DNMT1: variants seen among roughly 807,000 people sequenced by gnomAD.
DNMT1 encodes the protein DNA methyltransferase 1.
Under a neutral mutation model 205.3 loss-of-function variants are expected in DNMT1, and 24 were observed. That is an observed-to-expected ratio of 0.12 (90% CI 0.08 to 0.16). DNMT1 has a LOEUF of 0.16. DNMT1 is among the 10% of genes least tolerant of loss of function. The pLI, the probability that DNMT1 is intolerant of heterozygous loss-of-function variation, is 1.00. For synonymous variants in DNMT1, 817 were observed against 839.8 expected (o/e 0.97, Z 0.47); for missense variants, 1,293 against 2,177.7 (o/e 0.59, Z 8.09).
chr19:10,166,794 C>CAGGAG, intron 10 of DNMT1, 109 bp from the exon 11 acceptor site: 2 of 1,154,896 alleles, frequency 1.7e-6, no homozygotes, highest in Non-Finnish European at 2.6e-6. Context: ...GTTCAGAGGA[C>CAGGAG]AGGCTGCCTC....
At chr19:10,169,106 A>G (rs536388505) in intron 9 of DNMT1, among the ~76,000 whole-genome samples, 79 of 152,214 alleles carry the variant, frequency 5.2e-4, no homozygotes, top group African/African-American at 1.9e-3. Flanking sequence ...CTGGCATTAC[A>G]GGCGTGAGCC....
At chr19:10,180,990 T>C in intron 2 of DNMT1, 105 bp from the exon 3 acceptor site, 1 of 870,962 alleles carries the variant, frequency 1.1e-6, no homozygotes. Flanking sequence ...AATGAGTGAA[T>C]GGCAGGCAAT....
chr19:10,175,643 A>G, intron 6 of DNMT1, 25 bp from the exon 7 acceptor site: 1 of 1,613,544 alleles, frequency 6.2e-7, no homozygotes, highest in Non-Finnish European at 8.5e-7. Context: ...GAGGCCAACC[A>G]TTAGTGGAAC....
At chr19:10,182,132 G>T (rs140385241) in intron 1 of DNMT1, 55 bp from the exon 2 acceptor site, 8 of 1,553,280 alleles carry the variant, frequency 5.2e-6, no homozygotes, top group Non-Finnish European at 2.7e-6. Context: ...AACTTCATTT[G>T]CCTGTAAGAA....
rs1309352449 is a variant in DNMT1, at chr19:10,138,073, G to GCC, written c.4116-65_4116-64insGG. The GCC allele has an allele frequency of 3.4e-4, 525 of 1,539,388 alleles. 5 individuals carry two copies. Among genetic ancestry groups the GCC allele is most frequent in the Non-Finnish European group, 3.3e-4 (371 of 1,134,494 alleles). ...CGCAGCAGCTGTCCCCTCATCACAG[G>GCC]TGCCACCCCCTGCCTGCTCAGATGG... On this transcript the variant is annotated intron_variant, in intron 35 of 40. Coordinates refer to ENST00000359526, the MANE Select transcript of DNMT1 (RefSeq NM_001130823.3). The surrounding 1 kb of genome is among the most constrained non-coding windows in gnomAD (Gnocchi z 4.1).
At chr19:10,186,838 C>CAAAAA (rs35238334) in intron 1 of DNMT1, among the ~76,000 whole-genome samples, 10 of 70,684 alleles carry the variant, frequency 1.4e-4, no homozygotes, top group East Asian at 1.1e-3. Context: ...AACTCCGTCT[C>CAAAAA]AAAAAAAAAA....
chr19:10,148,993 G>A lies in DNMT1; in HGVS notation c.2611C>T (p.Leu871=), dbSNP rs2038270415. 1 of 1,613,994 alleles carries A rather than the reference G, an allele frequency of 6.2e-7. No homozygotes were observed. Among genetic ancestry groups the A allele is most frequent in the African/African-American group, 1.3e-5 (1 of 74,912 alleles). Residue 871 remains leucine, a synonymous_variant, in exon 27 of 41, where the codon CTG becomes TTG. Transcript: ENST00000359526. ...TAGGTCTTCCCGTCGTCCCCCTCCA[G>A]CAGGGACTCGGGATCCATGCCTCCC... ...MEGGMDPESL[L]EGDDGKTYFY... is the part of the protein sequence containing the mutation.
chr19:10,135,628 A>G, intron 39 of DNMT1, 108 bp downstream of exon 39: 1 of 1,185,234 alleles, frequency 8.4e-7, no homozygotes, highest in Non-Finnish European at 1.2e-6. Context: ...GCTACCCGGC[A>G]GCCAGCAGGC....
rs2089498230 is a variant in DNMT1 at position 10,137,089 on chromosome 19, C to T, written c.4485G>A (p.Val1495=). The change falls in exon 37 of 41, where the codon GTG becomes GTA. Residue 1495 remains valine, a synonymous_variant. Coordinates refer to ENST00000359526, the MANE Select transcript of DNMT1 (RefSeq NM_001130823.3). The surrounding 1 kb of genome is among the most constrained non-coding windows in gnomAD (Gnocchi z 6.4). ...SGALRGVCSC[V]EAGKACDPAA... is the part of the protein sequence containing the mutation. ...ACCACAACTTACAGGACCCACCTTCCACGCAGGAGCAGACCCCACGGAGGG... is the reference window on the plus strand; with the variant it reads ...ACCACAACTTACAGGACCCACCTTCTACGCAGGAGCAGACCCCACGGAGGG... 6.2e-7 allele frequency: 1 copy of T among 1,611,850 alleles called. No homozygotes were observed. The highest frequency in any genetic ancestry group is 1.7e-5 in the Admixed American group (1 of 59,740).
chr19:10,138,613 G>A lies in DNMT1; in HGVS notation c.3949-8C>T. ...CACGCCGTACTGACCGGCCTGTGGGGGAGAAGGACGGACAACCCCACCGTC... is the reference window on the plus strand; with the variant it reads ...CACGCCGTACTGACCGGCCTGTGGGAGAGAAGGACGGACAACCCCACCGTC... On this transcript the variant is annotated splice_polypyrimidine_tract_variant and splice_region_variant and intron_variant, in intron 34 of 40. Transcript: ENST00000359526. This position sits in a 1 kb window ranked among gnomAD's most constrained non-coding sequence, Gnocchi z 4.1. The A allele has an allele frequency of 1.3e-6, 2 of 1,599,890 alleles. No individual in the cohort carries two copies. Among genetic ancestry groups the A allele is most frequent in the Non-Finnish European group, 8.5e-7 (1 of 1,179,474 alleles).
In DNMT1 at chr19:10,133,838, T is replaced by C; in HGVS notation, c.4865-137A>G. 2 of 982,162 alleles carry C rather than the reference T, an allele frequency of 2.0e-6. No individual in the cohort carries two copies. Among genetic ancestry groups the C allele is most frequent in the Non-Finnish European group, 3.2e-6 (2 of 632,400 alleles). The allele number at this position is 982,162 out of a possible 1,614,324, so 60.8% of individuals were successfully genotyped here. A position where few individuals can be genotyped will look rare whatever the true frequency, so the allele number is the denominator to read the frequency against. On this transcript the variant is annotated intron_variant, in intron 40 of 40. Transcript: ENST00000359526. The surrounding 1 kb of genome is among the most constrained non-coding windows in gnomAD (Gnocchi z 4.1). ...ACAGCTGACCCAATAAGTGGCAGAG[T>C]GCTAAGGGAACGTTCACGGAGACTG... is the stretch of plus-strand genomic sequence containing the variant.
At chr19:10,165,012 G>C (rs1285049044) in intron 11 of DNMT1, among the ~76,000 whole-genome samples, 1 of 140,790 alleles carries the variant, frequency 7.1e-6, no homozygotes, top group Non-Finnish European at 1.5e-5. Flanking sequence ...CTACCACTCC[G>C]CCACTTTGGG....
intron 6 of DNMT1, among the ~76,000 whole-genome samples, chr19:10,176,879 T>C (rs1182679609): frequency 6.6e-6 from 1 of 152,086 alleles, no homozygotes; most frequent in Non-Finnish European, 1.5e-5. Flanking sequence ...TGCTAAATGT[T>C]AGCAATTATT....
Position 10,159,515 on chromosome 19 carries a change from G to A in DNMT1, c.1280+143C>T, listed in dbSNP as rs1002840292. 8 of 866,772 alleles carry A rather than the reference G, an allele frequency of 9.2e-6. No homozygotes were observed. Among genetic ancestry groups the A allele is most frequent in the East Asian group, 2.7e-5 (1 of 37,680 alleles). 53.7% of individuals were successfully genotyped at this position (866,772 alleles called of 1,614,324 possible). The stretch of plus-strand genomic sequence containing the variant: ...TGAGCCACCGCGCCCAGCCCTCCAC[G>A]GTGGCTCTTATCCACGAAGTGTTAG... On this transcript the variant is annotated intron_variant, in intron 17 of 40. Transcript: ENST00000359526. The surrounding 1 kb of genome is among the most constrained non-coding windows in gnomAD (Gnocchi z 5.0).
intron 7 of DNMT1, 59 bp from the exon 8 acceptor site, chr19:10,173,964 A>G (rs2038880783): frequency 1.9e-5 from 29 of 1,527,004 alleles, no homozygotes; most frequent in Non-Finnish European, 2.5e-5. Context: ...GGGAAGGTCA[A>G]CACCAAAAGT....
chr19:10,162,906 G>T, intron 12 of DNMT1, 158 bp from the exon 13 acceptor site: 1 of 732,404 alleles, frequency 1.4e-6, no homozygotes, highest in Non-Finnish European at 2.3e-6. Context: ...CCGAGACGAG[G>T]CCTTCAGAGG....
intron 1 of DNMT1, among the ~76,000 whole-genome samples, chr19:10,193,678 A>G (rs565291163): frequency 1.1e-3 from 161 of 151,820 alleles, no homozygotes; most frequent in African/African-American, 3.4e-3. Flanking sequence ...AAAAAAAAAA[A>G]AAAAGAAAAG....
chr19:10,194,685 C>T (rs2039370123), intron 1 of DNMT1, 135 bp downstream of exon 1: 1 of 1,252,544 alleles, frequency 8.0e-7, no homozygotes, highest in African/African-American at 1.6e-5. Flanking sequence ...CGCCAACTGC[C>T]GCTGCGCGCC....
Position 10,151,365 on chromosome 19 carries a change from G to T in DNMT1, c.2265+33C>A. On this transcript the variant is annotated intron_variant, in intron 24 of 40. Coordinates refer to ENST00000359526, the MANE Select transcript of DNMT1 (RefSeq NM_001130823.3). This position sits in a 1 kb window ranked among gnomAD's most constrained non-coding sequence, Gnocchi z 5.0. ...GGGCAACCTGCTTATTGGGAACATG[G>T]CAGTGAGCTGACCAAGGGGCTCCAA... 6.2e-7 allele frequency: 1 copy of T among 1,609,000 alleles called. No individual in the cohort carries two copies.
Sources: allele counts gnomAD v4.1 joint callset (sites outside exome capture counted in the v4.1 genomes callset), GRCh38; gene constraint gnomAD v4.1.1; non-coding constraint Gnocchi (gnomAD v3.1); transcripts MANE v1.5; gene names NCBI Gene and HGNC (gene_info 2026-07-23, HGNC 2026-07-21).